ARMH4: variants seen among roughly 807,000 people sequenced by gnomAD.
The protein encoded by ARMH4 is armadillo like helical domain containing 4.
ARMH4 carries 49 observed loss-of-function variants against 61.9 expected under a neutral mutation model. That is an observed-to-expected ratio of 0.79 (90% confidence interval 0.63 to 1.00). ARMH4 has a LOEUF of 1.00. Among genes scored for constraint, ARMH4 ranks in the 50% least tolerant of loss-of-function variants. ARMH4 has a pLI of 0.00. For missense variants in ARMH4, 934 were observed against 930.0 expected (o/e 1.00, Z -0.06); for synonymous variants, 368 against 341.5 (o/e 1.08, Z -0.85).
At chr14:58,022,868 A>G (rs1334373940) in intron 5 of ARMH4, among the ~76,000 whole-genome samples, 1 of 152,236 alleles carries the variant, frequency 6.6e-6, no homozygotes, top group Admixed American at 6.5e-5. Context: ...CAAATGCTGC[A>G]ATAAGATATG....
At position 58,042,416 on chromosome 14, in the gene ARMH4, A is replaced by C. The variant is rs1369719246; in HGVS notation, c.2090-30266T>G. 2.6e-5 allele frequency among the ~76,000 whole-genome samples: 4 copies of C among 152,322 alleles called. No individual in the cohort carries two copies. In the East Asian group the frequency reaches 5.8e-4, roughly 22 times the overall value. ...TTAAAACCAATGAGAACAAAGACAC[A>C]ACATACCAGAATCTCTGGGACACAT... On this transcript the variant is annotated intron_variant, in intron 5 of 7. Coordinates refer to ENST00000267485, the MANE Select transcript of ARMH4 (RefSeq NM_001001872.4).
chr14:58,012,388 A>G (rs1386182162), intron 5 of ARMH4, among the ~76,000 whole-genome samples: 1 of 152,182 alleles, frequency 6.6e-6, no homozygotes, highest in African/African-American at 2.4e-5. Context: ...TGTTTGCTAA[A>G]TGTTTTTTCT....
At chr14:58,048,959 T>C (rs1884030227) in intron 5 of ARMH4, among the ~76,000 whole-genome samples, 1 of 152,058 alleles carries the variant, frequency 6.6e-6, no homozygotes, top group Non-Finnish European at 1.5e-5. Context: ...AAAAACTGGC[T>C]GGGCACCGTG....
intron 5 of ARMH4, among the ~76,000 whole-genome samples, chr14:58,071,004 A>G (rs1296720618): frequency 2.6e-5 from 4 of 152,034 alleles, no homozygotes; most frequent in African/African-American, 7.2e-5. Context: ...ATACATTTGA[A>G]CACTTATTTT....
At chr14:58,151,909 G>A (rs978346641) in intron 1 of ARMH4, among the ~76,000 whole-genome samples, 166 bp downstream of exon 1, 9 of 152,170 alleles carry the variant, frequency 5.9e-5, no homozygotes, top group East Asian at 1.9e-4. Flanking sequence ...CCGCGCTCCG[G>A]AGGAGGATCG....
At chr14:58,009,755 G>A (rs973042014) in intron 6 of ARMH4, among the ~76,000 whole-genome samples, 1 of 140,116 alleles carries the variant, frequency 7.1e-6, no homozygotes, top group Non-Finnish European at 1.5e-5. Flanking sequence ...AGGTTGCAGT[G>A]AGCCAAGATC....
chr14:58,129,177 T>C (rs529716735), intron 4 of ARMH4, among the ~76,000 whole-genome samples: 24 of 152,196 alleles, frequency 1.6e-4, no homozygotes, highest in Non-Finnish European at 3.4e-4. Context: ...CTCTCAGTCA[T>C]CATGTTGTAG....
chr14:58,015,779 G>T (rs1377884623), intron 5 of ARMH4, among the ~76,000 whole-genome samples: 3 of 149,932 alleles, frequency 2.0e-5, no homozygotes, highest in Admixed American at 2.0e-4. Flanking sequence ...AAAGATGATG[G>T]CCAGACACAC....
intron 4 of ARMH4, among the ~76,000 whole-genome samples, chr14:58,129,924 T>C (rs1049421178): frequency 6.6e-6 from 1 of 152,084 alleles, no homozygotes; most frequent in African/African-American, 2.4e-5. Flanking sequence ...AGTAGCAAAA[T>C]TGAATTGTGT....
At chr14:58,029,803 CA>C (rs1883162406) in intron 5 of ARMH4, among the ~76,000 whole-genome samples, 1 of 152,098 alleles carries the variant, frequency 6.6e-6, no homozygotes, top group Admixed American at 6.5e-5. Context: ...AGCTGCTCCT[CA>C]AAAAGTTAAA....
At position 58,004,670 on chromosome 14, in the gene ARMH4, T is replaced by C. The variant is rs998018386; in HGVS notation, c.*66A>G. The C allele has an allele frequency of 1.9e-5, 25 of 1,348,054 alleles. No homozygotes were observed. The highest frequency in any genetic ancestry group is 2.9e-5 in the African/African-American group (2 of 67,864). The allele number at this position is 1,348,054 out of a possible 1,614,324, so 83.5% of individuals were successfully genotyped here. A position where few individuals can be genotyped will look rare whatever the true frequency, so the allele number is the denominator to read the frequency against. On this transcript the variant is annotated 3_prime_UTR_variant, in exon 8 of 8. Transcript: ENST00000267485. ...ATGTGGCAGGTTGTTCTTTTTTTTT[T>C]TCTGCTCCAAAATAAAAATTAGAAT...
intron 5 of ARMH4, among the ~76,000 whole-genome samples, chr14:58,042,267 A>G (rs1331048451): frequency 6.6e-6 from 1 of 152,226 alleles, no homozygotes; most frequent in Non-Finnish European, 1.5e-5. Flanking sequence ...CCACAATGCA[A>G]TCAAACTAGA....
intron 5 of ARMH4, among the ~76,000 whole-genome samples, chr14:58,076,656 T>A (rs1205282931): frequency 3.3e-5 from 5 of 152,142 alleles, no homozygotes; most frequent in East Asian, 3.8e-4. Flanking sequence ...GTTGTTTTTT[T>A]AAAAAGAAAG....
At chr14:58,092,994 G>A (rs1342358638) in intron 5 of ARMH4, among the ~76,000 whole-genome samples, 6 of 152,146 alleles carry the variant, frequency 3.9e-5, no homozygotes, top group African/African-American at 4.8e-5. Flanking sequence ...GACGGACTTC[G>A]TGGGAGGTGC....
Position 58,139,145 on chromosome 14 carries a change from C to T in ARMH4, c.214G>A (p.Glu72Lys), listed in dbSNP as rs1181281069. ...SKQTPQLVVS[E>K]DPMMMSAVPS... ...ACTGCTGACATCATCATTGGATCTT[C>T]AGAGACCACCAGTTGGGGAGTCTGC... Residue 72 changes from glutamate to lysine, a missense_variant, in exon 2 of 8, where the codon GAA becomes AAA. Glu to Lys is a moderately conservative substitution (Grantham distance 56, BLOSUM62 1). Coordinates refer to ENST00000267485, the MANE Select transcript of ARMH4 (RefSeq NM_001001872.4). The T allele has an allele frequency of 6.2e-7, 1 of 1,614,218 alleles. No homozygotes were observed. The highest frequency in any genetic ancestry group is 8.5e-7 in the Non-Finnish European group (1 of 1,180,040).
At chr14:58,070,935 T>C (rs1884864093) in intron 5 of ARMH4, among the ~76,000 whole-genome samples, 1 of 152,180 alleles carries the variant, frequency 6.6e-6, no homozygotes, top group Non-Finnish European at 1.5e-5. Context: ...TTTTGATTTT[T>C]AGATCCCACA....
chr14:58,054,312 C>T (rs1884245533), intron 5 of ARMH4, among the ~76,000 whole-genome samples: 1 of 152,202 alleles, frequency 6.6e-6, no homozygotes. Context: ...GATTCTTTGG[C>T]ATTACCACGG....
At chr14:58,126,953 C>T (rs1886916255) in intron 4 of ARMH4, among the ~76,000 whole-genome samples, 1 of 151,926 alleles carries the variant, frequency 6.6e-6, no homozygotes, top group African/African-American at 2.4e-5. Context: ...TAGGTGTGTG[C>T]TACCATGCCT....
At chr14:58,112,286 C>CTT (rs375451865) in intron 4 of ARMH4, among the ~76,000 whole-genome samples, 5,296 of 133,220 alleles carry the variant, frequency 0.04, 335 homozygotes, top group African/African-American at 0.14. Flanking sequence ...CTTAATTTTT[C>CTT]TTTTTTTTTT....
Sources: gnomAD v4.1 joint callset for allele counts (sites outside exome capture counted in the v4.1 genomes callset) on GRCh38, gnomAD v4.1.1 for gene constraint, MANE v1.5 for transcripts, NCBI Gene and HGNC (gene_info 2026-07-23, HGNC 2026-07-21) for gene names.